Variants in KHDC1 observed in about 807,000 individuals in gnomAD.
KHDC1 encodes KH domain containing 1, also known as KH homology domain-containing protein 1.
Under a neutral mutation model 24.7 loss-of-function variants are expected in KHDC1, and 21 were observed. The observed-to-expected ratio is 0.85, with a 90% confidence interval of 0.60 to 1.23. The LOEUF (loss-of-function observed/expected upper bound fraction) is 1.23, where lower values mean the gene tolerates loss of function less well. Ranked by LOEUF, KHDC1 falls within the 50% of genes most tolerant of loss-of-function variation. The pLI is 0.00. For missense variants in KHDC1, 274 were observed against 298.5 expected (o/e 0.92, Z 0.61); for synonymous variants, 98 against 111.7 (o/e 0.88, Z 0.77).
chr6:73,241,609 C>G (rs367849614), exon 5 of KHDC1: 2 of 1,614,174 alleles, frequency 1.2e-6, no homozygotes, highest in Non-Finnish European at 1.7e-6. Flanking sequence ...CTAAGACACA[C>G]GGTTCCACTT....
intron 2 of KHDC1, among the ~76,000 whole-genome samples, chr6:73,248,109 G>A (rs963217854): frequency 1.3e-5 from 2 of 152,130 alleles, no homozygotes; most frequent in African/African-American, 4.8e-5. Flanking sequence ...TCCCAGACCT[G>A]GCATCAGGTC....
intron 2 of KHDC1, among the ~76,000 whole-genome samples, chr6:73,255,095 G>A (rs2150560744): frequency 6.6e-6 from 1 of 150,566 alleles, no homozygotes; most frequent in East Asian, 1.9e-4. Flanking sequence ...TTCATTAAAG[G>A]CACTTTTTGA....
At chr6:73,280,848 C>T (rs1767390769) in intron 2 of KHDC1, among the ~76,000 whole-genome samples, 1 of 151,234 alleles carries the variant, frequency 6.6e-6, no homozygotes, top group South Asian at 2.1e-4. Context: ...CTTTTTAAAT[C>T]TTGTCAGTTT....
At chr6:73,270,693 C>CTT (rs796508631) in intron 2 of KHDC1, among the ~76,000 whole-genome samples, 9 of 144,816 alleles carry the variant, frequency 6.2e-5, no homozygotes, top group African/African-American at 7.6e-5. Flanking sequence ...TCTATTTTTT[C>CTT]TTTTTTTTTT....
chr6:73,244,282 T>C (rs1043462371), intron 2 of KHDC1, among the ~76,000 whole-genome samples: 7 of 152,194 alleles, frequency 4.6e-5, no homozygotes, highest in South Asian at 2.1e-4. Context: ...TGTATAAGTG[T>C]CATTTACCAC....
exon 4 of KHDC1, chr6:73,242,212 G>A (rs1241983233): frequency 6.2e-7 from 1 of 1,613,796 alleles, no homozygotes; most frequent in African/African-American, 1.3e-5. Context: ...GCACCTCAAT[G>A]CAGCGAAGGT....
chr6:73,273,325 G>A (rs1368489803), intron 2 of KHDC1, among the ~76,000 whole-genome samples: 8 of 149,492 alleles, frequency 5.4e-5, no homozygotes, highest in African/African-American at 9.9e-5. Context: ...GTGCCACAAC[G>A]CCCAGCTAAT....
chr6:73,263,342 G>A (rs1767022424), intron 2 of KHDC1, 146 bp from the exon 1 acceptor site: 1 of 940,698 alleles, frequency 1.1e-6, no homozygotes, highest in South Asian at 4.9e-5. Flanking sequence ...GGAAGCAAGG[G>A]TGGGAGGAGG....
intron 2 of KHDC1, among the ~76,000 whole-genome samples, chr6:73,272,856 C>CTTTTTTT (rs1158620688): frequency 3.7e-5 from 5 of 135,276 alleles, no homozygotes; most frequent in Non-Finnish European, 4.6e-5. Flanking sequence ...CTTTTCTTTT[C>CTTTTTTT]TTTTTCTTTT....
intron 2 of KHDC1, among the ~76,000 whole-genome samples, chr6:73,258,975 C>A (rs536749097): frequency 5.3e-4 from 81 of 152,276 alleles, no homozygotes; most frequent in Non-Finnish European, 1.0e-3. Flanking sequence ...CCAACGGGAG[C>A]CCACTGGTGA....
intron 1 of KHDC1, among the ~76,000 whole-genome samples, chr6:73,306,136 G>T (rs1022263446): frequency 6.6e-6 from 1 of 152,104 alleles, no homozygotes; most frequent in African/African-American, 2.4e-5. Context: ...CAACCAGAAT[G>T]AATCTTTCCA....
chr6:73,267,399 C>T (rs555835197), intron 2 of KHDC1, among the ~76,000 whole-genome samples: 2 of 152,252 alleles, frequency 1.3e-5, no homozygotes, highest in East Asian at 3.9e-4. Flanking sequence ...ACGAGAATTG[C>T]TTGAACCTGG....
intron 2 of KHDC1, among the ~76,000 whole-genome samples, chr6:73,272,906 T>C (rs1364662351): frequency 6.8e-6 from 1 of 147,838 alleles, no homozygotes; most frequent in Non-Finnish European, 1.5e-5. Flanking sequence ...TCACCCAGGC[T>C]GGAGTGCAAT....
chr6:73,295,285 C>T (rs1356317812), intron 1 of KHDC1, among the ~76,000 whole-genome samples: 3 of 152,180 alleles, frequency 2.0e-5, no homozygotes, highest in Non-Finnish European at 2.9e-5. Flanking sequence ...TCCCCAGGAG[C>T]CAAGCAGATG....
intron 2 of KHDC1, among the ~76,000 whole-genome samples, chr6:73,261,544 C>T (rs1422907940): frequency 6.6e-6 from 1 of 151,358 alleles, no homozygotes; most frequent in African/African-American, 2.4e-5. Flanking sequence ...TCGAGGCGGG[C>T]GGACCCCTTG....
Position 73,295,491 on chromosome 6 carries a change from T to G in KHDC1, c.164-3451A>C, listed in dbSNP as rs371222291. 1.1e-4 allele frequency among the ~76,000 whole-genome samples: 16 copies of G among 150,960 alleles called. 1 individual carries two copies. Among genetic ancestry groups the G allele is most frequent in the African/African-American group, 3.7e-4 (15 of 41,066 alleles). ...CCCCAGGCAGGAGGATTACTTGAAC[T>G]CAGGAGTTTGAGACCAGCCTGGGCA... On this transcript the variant is annotated intron_variant, in intron 1 of 4. Transcript: ENST00000370384.
intron 2 of KHDC1, chr6:73,263,077 G>A: frequency 2.7e-6 from 2 of 753,968 alleles, no homozygotes; most frequent in African/African-American, 1.8e-5. Context: ...GGCAGCGGCG[G>A]CAGCGGCTGC....
chr6:73,241,766 C>A, intron 4 of KHDC1, 38 bp from the exon 4 acceptor site: 1 of 1,608,464 alleles, frequency 6.2e-7, no homozygotes, highest in Non-Finnish European at 8.5e-7. Context: ...AACCAGGGCC[C>A]ATAACTGGGG....
At chr6:73,253,180 T>G (rs1766812386) in intron 2 of KHDC1, among the ~76,000 whole-genome samples, 1 of 152,118 alleles carries the variant, frequency 6.6e-6, no homozygotes, top group Non-Finnish European at 1.5e-5. Flanking sequence ...GCATAGAAAT[T>G]TAATATTTAA....
Sources: allele counts gnomAD v4.1 joint callset (sites outside exome capture counted in the v4.1 genomes callset), GRCh38; gene constraint gnomAD v4.1.1; transcripts MANE v1.5; gene names NCBI Gene and HGNC (gene_info 2026-07-23, HGNC 2026-07-21).